Variants in DCK observed in about 807,000 individuals in gnomAD.
The protein encoded by DCK is deoxycytidine kinase, also known as deoxyadenosine kinase.
A neutral mutation model predicts 38.3 loss-of-function variants in DCK; 23 were observed. The ratio of observed to expected loss-of-function variants is 0.60; its 90% CI spans 0.43 to 0.85. The LOEUF is 0.85. Among genes scored for constraint, DCK ranks in the 40% least tolerant of loss-of-function variants. The probability of loss-of-function intolerance (pLI) is 0.00; values close to 1 mark genes in which losing one functional copy is unlikely to be tolerated. For missense variants in DCK, 259 were observed against 304.4 expected (o/e 0.85, Z 1.11); for synonymous variants, 108 against 100.6 (o/e 1.07, Z -0.44).
rs1739702916 is a variant in DCK, at chr4:70,998,199, T to G, written c.207+17T>G. 1 of 1,314,974 alleles carries G rather than the reference T, an allele frequency of 7.6e-7. No homozygotes were observed. Among genetic ancestry groups the G allele is most frequent in the Non-Finnish European group, 1.1e-6 (1 of 919,580 alleles). The allele number at this position is 1,314,974 out of a possible 1,614,324, so 81.5% of individuals were successfully genotyped here. A position where few individuals can be genotyped will look rare whatever the true frequency, so the allele number is the denominator to read the frequency against. ...GAATTTGAGGTATGAAAATAAAATT[T>G]AAGTAGATAAAAGCCTCTTGGTTTA... On this transcript the variant is annotated intron_variant, in intron 2 of 6. Transcript: ENST00000286648.
In DCK at chr4:71,022,577, T is replaced by C. The variant is rs1054799430; in HGVS notation, c.401+17T>C. On this transcript the variant is annotated intron_variant, in intron 3 of 6. Coordinates refer to ENST00000286648, the MANE Select transcript of DCK (RefSeq NM_000788.3). Reference sequence around the variant, plus strand: ...TAGTGACAGGTATGTATAAATGGCTTGTACGTGGCCATTTGAAGTTTTTAT... The same window carrying C: ...TAGTGACAGGTATGTATAAATGGCTCGTACGTGGCCATTTGAAGTTTTTAT... 1 of 1,374,592 alleles carries C rather than the reference T, an allele frequency of 7.3e-7. No homozygotes were observed. Among genetic ancestry groups the C allele is most frequent in the Non-Finnish European group, 9.5e-7 (1 of 1,056,724 alleles). 85.1% of individuals were successfully genotyped at this position (1,374,592 alleles called of 1,614,324 possible).
intron 2 of DCK, among the ~76,000 whole-genome samples, chr4:71,012,770 C>T (rs1265963268): frequency 7.2e-5 from 11 of 152,194 alleles, no homozygotes; most frequent in African/African-American, 2.2e-4. Flanking sequence ...ATCTGTACGT[C>T]ACCATCATCA....
intron 3 of DCK, 46 bp from the exon 4 acceptor site, chr4:71,023,513 G>GT (rs3833976): frequency 2.8e-3 from 3,417 of 1,200,560 alleles, no homozygotes; most frequent in South Asian, 4.0e-3. Context: ...TTTCTTTGTT[G>GT]TTTTTTTTTG....
In DCK at chr4:70,997,074, C is replaced by T. The variant is rs147180575; in HGVS notation, c.92-993C>T. ...TGAACTAAATGTAACTGTTATTACT[C>T]TTAGACTTTTTAAGTATGACCATAT... On this transcript the variant is annotated intron_variant, in intron 1 of 6. Coordinates refer to ENST00000286648, the MANE Select transcript of DCK (RefSeq NM_000788.3). Among the ~76,000 whole-genome samples the T allele has an allele frequency of 4.9e-4, 74 of 152,216 alleles. 1 individual carries two copies. Among genetic ancestry groups the T allele is most frequent in the African/African-American group, 1.7e-3 (71 of 41,528 alleles).
At chr4:71,004,694 G>C (rs1206311886) in intron 2 of DCK, among the ~76,000 whole-genome samples, 2 of 152,236 alleles carry the variant, frequency 1.3e-5, no homozygotes, top group Non-Finnish European at 2.9e-5. Context: ...TCTAGCTTCA[G>C]GGGTTTGCCA....
intron 1 of DCK, among the ~76,000 whole-genome samples, chr4:70,995,342 T>A (rs1739636875): frequency 6.6e-6 from 1 of 152,108 alleles, no homozygotes; most frequent in Admixed American, 6.6e-5. Flanking sequence ...ATCCCAGGAT[T>A]TGGGGAGGCT....
At chr4:70,995,383 TC>T (rs1739637520) in intron 1 of DCK, among the ~76,000 whole-genome samples, 1 of 152,094 alleles carries the variant, frequency 6.6e-6, no homozygotes, top group East Asian at 1.9e-4. Context: ...GTCCAGGAGT[TC>T]CAGATCAGCC....
intron 2 of DCK, among the ~76,000 whole-genome samples, chr4:70,998,888 G>A (rs1376170348): frequency 1.3e-5 from 2 of 150,868 alleles, no homozygotes; most frequent in African/African-American, 2.4e-5. Context: ...GCGCCACTGT[G>A]CTCCAGCCTG....
intron 2 of DCK, among the ~76,000 whole-genome samples, chr4:71,014,158 A>G (rs2148916383): frequency 6.6e-6 from 1 of 152,362 alleles, no homozygotes; most frequent in East Asian, 1.9e-4. Context: ...AACAAAGATC[A>G]AAAGAGACAA....
rs1357820897 is a variant in DCK, at chr4:71,026,653, C to T, written c.666-12C>T. The T allele has an allele frequency of 7.6e-7, 1 of 1,316,480 alleles. No homozygotes were observed. Among genetic ancestry groups the T allele is most frequent in the South Asian group, 1.3e-5 (1 of 79,038 alleles). 81.5% of individuals were successfully genotyped at this position (1,316,480 alleles called of 1,614,324 possible). ...ATTTCTGATTATTTTATTAATCTCT[C>T]TTTTTAAACAGAACCAACTTCGATT... On this transcript the variant is annotated splice_polypyrimidine_tract_variant and intron_variant, in intron 5 of 6. Transcript: ENST00000286648.
chr4:71,007,087 G>C (rs1212563119), intron 2 of DCK, among the ~76,000 whole-genome samples: 1 of 152,136 alleles, frequency 6.6e-6, no homozygotes, highest in Non-Finnish European at 1.5e-5. Flanking sequence ...GCCAGGCATA[G>C]CTAACTTTAG....
chr4:70,996,976 C>T (rs978024242), intron 1 of DCK, among the ~76,000 whole-genome samples: 4 of 152,092 alleles, frequency 2.6e-5, no homozygotes, highest in African/African-American at 9.7e-5. Context: ...TTTCTAGCTC[C>T]CACTTTGCCC....
chr4:71,001,956 G>A (rs572196371), intron 2 of DCK, among the ~76,000 whole-genome samples: 30 of 152,122 alleles, frequency 2.0e-4, no homozygotes, highest in African/African-American at 7.0e-4. Flanking sequence ...AGAGTTTTTC[G>A]TGTCTCTATC....
At chr4:71,008,587 C>T (rs1250771770) in intron 2 of DCK, among the ~76,000 whole-genome samples, 1 of 152,170 alleles carries the variant, frequency 6.6e-6, no homozygotes, top group African/African-American at 2.4e-5. Context: ...TTTCTGGGGT[C>T]AGCTGTCAGT....
intron 2 of DCK, chr4:71,006,373 T>C: frequency 1.6e-6 from 1 of 611,202 alleles, no homozygotes; most frequent in Non-Finnish European, 2.0e-6. Flanking sequence ...TATGGTTGTA[T>C]GTGTGAGAGA....
intron 2 of DCK, among the ~76,000 whole-genome samples, chr4:71,018,855 A>G (rs1740339718): frequency 6.6e-6 from 1 of 151,802 alleles, no homozygotes; most frequent in African/African-American, 2.4e-5. Flanking sequence ...TATTTTTTGT[A>G]GAGACAGGGT....
chr4:71,024,912 A>G (rs148351567), intron 4 of DCK, among the ~76,000 whole-genome samples: 9 of 152,232 alleles, frequency 5.9e-5, no homozygotes, highest in Non-Finnish European at 7.4e-5. Context: ...CACCAAAAAC[A>G]TAAATAATAC....
At chr4:71,022,242 C>A in intron 2 of DCK, 125 bp from the exon 3 acceptor site, 2 of 521,286 alleles carry the variant, frequency 3.8e-6, no homozygotes, top group Non-Finnish European at 6.6e-6. Flanking sequence ...GGAACTTAAT[C>A]ATCTTGGTTT....
At chr4:71,018,266 A>G (rs1452572654) in intron 2 of DCK, among the ~76,000 whole-genome samples, 1 of 151,544 alleles carries the variant, frequency 6.6e-6, no homozygotes, top group Non-Finnish European at 1.5e-5. Context: ...AGCTGAGACT[A>G]CAGGCGCCTG....
Sources: gnomAD v4.1 joint callset for allele counts (sites outside exome capture counted in the v4.1 genomes callset) on GRCh38, gnomAD v4.1.1 for gene constraint, MANE v1.5 for transcripts, NCBI Gene and HGNC (gene_info 2026-07-23, HGNC 2026-07-21) for gene names.